Variants in PCDHAC1 observed in about 807,000 individuals in gnomAD.
PCDHAC1 encodes the protein protocadherin alpha subfamily C, 1, also known as protocadherin alpha-C1.
PCDHAC1 carries 42 observed loss-of-function variants against 60.0 expected under a neutral mutation model. The observed-to-expected ratio is 0.70, with a 90% CI of 0.55 to 0.90. The LOEUF (loss-of-function observed/expected upper bound fraction) is 0.90. Ranked by LOEUF, PCDHAC1 falls within the 40% of genes least tolerant of loss-of-function variation. The pLI is 0.00. For missense variants in PCDHAC1, 1,160 were observed against 1,222.3 expected, an observed-to-expected ratio of 0.95 and a Z score of 0.76; for synonymous variants, 468 against 499.3, an observed-to-expected ratio of 0.94 and a Z score of 0.84.
chr5:140,953,536 A>G (rs2094900021), intron 1 of PCDHAC1, among the ~76,000 whole-genome samples: 1 of 152,124 alleles, frequency 6.6e-6, no homozygotes, highest in Non-Finnish European at 1.5e-5. Flanking sequence ...AACTCACTTC[A>G]TGCTGATTCT....
chr5:141,010,373 G>A lies in PCDHAC1; in HGVS notation c.*436G>A, dbSNP rs1554262916. 6.8e-7 allele frequency: 1 copy of A among 1,463,988 alleles called. No homozygotes were observed. Among genetic ancestry groups the A allele is most frequent in the Admixed American group, 2.4e-5 (1 of 41,618 alleles). The allele number at this position is 1,463,988 out of a possible 1,614,324, so 90.7% of individuals were successfully genotyped here. ...GTGTGGCTACCGCGGGTATGCGAGT[G>A]CCAGATATTGGCTGAGACGAGCCAG... On this transcript the variant is annotated 3_prime_UTR_variant, in exon 4 of 4. Coordinates refer to ENST00000253807, the MANE Select transcript of PCDHAC1 (RefSeq NM_018898.5).
At chr5:140,978,799 A>C (rs2096824173) in intron 1 of PCDHAC1, 150 bp from the exon 2 acceptor site, 2 of 1,479,066 alleles carry the variant, frequency 1.4e-6, no homozygotes, top group East Asian at 4.9e-5. Flanking sequence ...ATATATGTAG[A>C]TATCATCATA....
intron 1 of PCDHAC1, among the ~76,000 whole-genome samples, chr5:140,966,046 G>A (rs1329363755): frequency 6.6e-6 from 1 of 152,212 alleles, no homozygotes. Context: ...CCCATCGCCA[G>A]TAACCCCAGA....
At chr5:140,995,548 C>T (rs1554254718) in intron 3 of PCDHAC1, among the ~76,000 whole-genome samples, 2 of 152,200 alleles carry the variant, frequency 1.3e-5, no homozygotes, top group Non-Finnish European at 2.9e-5. Context: ...GGGGCGATCA[C>T]TGTACTGAAT....
chr5:140,953,283 G>A (rs1377100708), intron 1 of PCDHAC1, among the ~76,000 whole-genome samples: 5 of 152,132 alleles, frequency 3.3e-5, no homozygotes, highest in Non-Finnish European at 7.3e-5. Flanking sequence ...CTCTTTATAT[G>A]TGATTCAGGG....
At chr5:140,999,806 A>G (rs1230100139) in intron 3 of PCDHAC1, among the ~76,000 whole-genome samples, 1 of 152,152 alleles carries the variant, frequency 6.6e-6, no homozygotes, top group African/African-American at 2.4e-5. Context: ...TTTGGGCACA[A>G]AGCAAGAGCT....
chr5:140,997,675 TG>T (rs1554255972), intron 3 of PCDHAC1, among the ~76,000 whole-genome samples: 41 of 151,686 alleles, frequency 2.7e-4, no homozygotes, highest in African/African-American at 9.7e-4. Flanking sequence ...AGCTTGTGTG[TG>T]TGTGTGTGTG....
chr5:140,976,933 A>G (rs1554238099), intron 1 of PCDHAC1, among the ~76,000 whole-genome samples: 1 of 152,198 alleles, frequency 6.6e-6, no homozygotes, highest in African/African-American at 2.4e-5. Context: ...CTGTGTAGCT[A>G]CTTAAAACAT....
At chr5:140,975,208 G>A (rs1449804050) in intron 1 of PCDHAC1, among the ~76,000 whole-genome samples, 1 of 152,170 alleles carries the variant, frequency 6.6e-6, no homozygotes, top group African/African-American at 2.4e-5. Context: ...TTCATGGCTG[G>A]CACTGGAGAA....
rs2083248814 is a variant in PCDHAC1, at chr5:140,926,438, G to A, written c.-455G>A. ...CAGAGGATGTGGAGGTTAAGATCTG[G>A]GCAGCCTCAGGGCGTTGTCCTAGAA... is the stretch of plus-strand genomic sequence containing the variant. On this transcript the variant is annotated 5_prime_UTR_variant, in exon 1 of 4. Coordinates refer to ENST00000253807, the MANE Select transcript of PCDHAC1 (RefSeq NM_018898.5). 1 of 154,646 alleles carries A rather than the reference G, an allele frequency of 6.5e-6. No individual in the cohort carries two copies. Among genetic ancestry groups the A allele is most frequent in the African/African-American group, 2.4e-5 (1 of 41,526 alleles). The allele number at this position is 154,646 out of a possible 1,614,324, so 9.6% of individuals were successfully genotyped here. A position where few individuals can be genotyped will look rare whatever the true frequency, so the allele number is the denominator to read the frequency against.
chr5:141,010,438 CAAAT>C lies in PCDHAC1; in HGVS notation c.*505_*508del, dbSNP rs2098417279. On this transcript the variant is annotated 3_prime_UTR_variant, in exon 4 of 4. Transcript: ENST00000253807. ...TACAAGGAAGGCAAGAAAACAAAGA[CAAAT>C]AAACAGCGGAAGTTATCAGTATGGA... 2.0e-6 allele frequency: 2 copies of C among 998,926 alleles called. No homozygotes were observed. The highest frequency in any genetic ancestry group is 2.8e-6 in the Non-Finnish European group (2 of 704,790). The allele number at this position is 998,926 out of a possible 1,614,324, so 61.9% of individuals were successfully genotyped here.
At chr5:140,982,022 G>T (rs2096962811) in intron 2 of PCDHAC1, among the ~76,000 whole-genome samples, 1 of 152,168 alleles carries the variant, frequency 6.6e-6, no homozygotes, top group African/African-American at 2.4e-5. Context: ...AGCCAAATTG[G>T]AACAATACTC....
chr5:140,984,656 G>A (rs1465387950), intron 3 of PCDHAC1, among the ~76,000 whole-genome samples: 2 of 152,082 alleles, frequency 1.3e-5, no homozygotes, highest in Non-Finnish European at 2.9e-5. Context: ...TGTCCTTCTG[G>A]TACTTTTAGG....
intron 1 of PCDHAC1, among the ~76,000 whole-genome samples, chr5:140,957,164 T>C (rs2095337835): frequency 6.6e-6 from 1 of 152,148 alleles, no homozygotes; most frequent in Non-Finnish European, 1.5e-5. Flanking sequence ...CAAATCTAAG[T>C]ATATAAATTG....
At chr5:140,980,910 T>G (rs1554242463) in intron 2 of PCDHAC1, among the ~76,000 whole-genome samples, 1 of 152,206 alleles carries the variant, frequency 6.6e-6, no homozygotes, top group East Asian at 1.9e-4. Context: ...ATGTAACTAT[T>G]CTTTAAAAAA....
intron 1 of PCDHAC1, among the ~76,000 whole-genome samples, chr5:140,956,378 G>A (rs1317429422): frequency 5.9e-5 from 9 of 152,072 alleles, no homozygotes; most frequent in African/African-American, 1.7e-4. Context: ...GAATTTTATC[G>A]AAGGCCTTTT....
intron 3 of PCDHAC1, among the ~76,000 whole-genome samples, chr5:140,992,504 C>T (rs2097516189): frequency 6.6e-6 from 1 of 152,174 alleles, no homozygotes; most frequent in African/African-American, 2.4e-5. Context: ...GGATTCAATC[C>T]TGGGGCATGG....
chr5:140,927,052 A>G lies in PCDHAC1; in HGVS notation c.160A>G (p.Asn54Asp). The part of the protein sequence containing the change: ...RLPAAAMSSR[N>D]FRFLSSHREL... The stretch of plus-strand genomic sequence containing the variant: ...GCCAGCGGCCGCTATGTCCTCGCGG[A>G]ACTTTCGCTTCCTTTCCAGCCACCG... Residue 54 changes from asparagine (N) to aspartate (D), a missense_variant, in exon 1 of 4, where the codon AAC becomes GAC. Around this residue, in one of 3 missense-constraint regions of PCDHAC1, gnomAD observed 1,113 missense variants for 1,163.7 expected, o/e 0.96. Coordinates refer to ENST00000253807, the MANE Select transcript of PCDHAC1 (RefSeq NM_018898.5). The G allele has an allele frequency of 6.2e-7, 1 of 1,611,924 alleles. No individual in the cohort carries two copies. Among genetic ancestry groups the G allele is most frequent in the Middle Eastern group, 1.7e-4 (1 of 6,054 alleles).
At chr5:141,000,391 CTCTCTATATATA>C (rs1452985170) in intron 3 of PCDHAC1, among the ~76,000 whole-genome samples, 26 of 56,648 alleles carry the variant, frequency 4.6e-4, no homozygotes, top group Middle Eastern at 0.011. Flanking sequence ...CTCTCTCTCT[CTCTCTATATATA>C]TATATATATA....
Sources: allele counts gnomAD v4.1 joint callset (sites outside exome capture counted in the v4.1 genomes callset), GRCh38; gene constraint gnomAD v4.1.1; regional missense constraint gnomAD v4.1.1; transcripts MANE v1.5; gene names NCBI Gene and HGNC (gene_info 2026-07-23, HGNC 2026-07-21).